SAMD8: variants seen among roughly 807,000 people sequenced by gnomAD.
The protein encoded by SAMD8 is sphingomyelin synthase-related protein 1.
A neutral mutation model predicts 42.0 loss-of-function variants in SAMD8; 20 were observed. That is an observed-to-expected ratio of 0.48 (90% CI 0.34 to 0.69). SAMD8 has a LOEUF of 0.69. Among genes scored for constraint, SAMD8 ranks in the 30% least tolerant of loss-of-function variants. The pLI is 0.01. For missense variants in SAMD8, 328 were observed against 511.6 expected, an observed-to-expected ratio of 0.64 and a Z score of 3.46; for synonymous variants, 162 against 173.0, an observed-to-expected ratio of 0.94 and a Z score of 0.50.
intron 1 of SAMD8, among the ~76,000 whole-genome samples, chr10:75,149,399 A>G (rs2134478789): frequency 6.6e-6 from 1 of 152,348 alleles, no homozygotes; most frequent in South Asian, 2.1e-4. Flanking sequence ...ATTTGTGAGT[A>G]CATGGAAATG....
At chr10:75,153,762 G>T in intron 2 of SAMD8, among the ~76,000 whole-genome samples, 1 of 143,298 alleles carries the variant, frequency 7.0e-6, no homozygotes, top group East Asian at 2.1e-4. Context: ...CTATAGTAAA[G>T]AGGTTTTTTT....
chr10:75,155,310 C>T (rs926315312), intron 2 of SAMD8, among the ~76,000 whole-genome samples: 4 of 151,950 alleles, frequency 2.6e-5, no homozygotes, highest in African/African-American at 4.8e-5. Flanking sequence ...TTCGACATGT[C>T]AGGTTTGAAA....
chr10:75,172,368 G>C (rs1361669698), intron 4 of SAMD8, among the ~76,000 whole-genome samples: 1 of 151,916 alleles, frequency 6.6e-6, no homozygotes, highest in African/African-American at 2.4e-5. Flanking sequence ...TTCTCGCTTT[G>C]TCACCCAGGC....
chr10:75,115,798 G>A (rs1848867019), intron 1 of SAMD8, among the ~76,000 whole-genome samples: 1 of 151,890 alleles, frequency 6.6e-6, no homozygotes. Flanking sequence ...AAAATTAGCC[G>A]GGCCTCGTGG....
In SAMD8 at chr10:75,176,571, G is replaced by A; in HGVS notation, c.1127G>A (p.Arg376Lys). ...LANTRAYQQS[R>K]RARIWFPMFS... ...AATACCAGAGCATATCAGCAGAGTAGGAGAGCAAGGATTTGGTTTCCCATG... is the reference window on the plus strand; with the variant it reads ...AATACCAGAGCATATCAGCAGAGTAAGAGAGCAAGGATTTGGTTTCCCATG... The change falls in exon 6 of 6, where the codon AGG becomes AAG. Residue 376 changes from arginine to lysine, a missense_variant. Arg to Lys is a conservative substitution (Grantham distance 26). This residue lies in a region of SAMD8 where 178 missense variants were observed against 325.6 expected (regional missense o/e 0.55). Transcript: ENST00000542569. The surrounding 1 kb of genome is among the most constrained non-coding windows in gnomAD (Gnocchi z 4.3). The A allele has an allele frequency of 6.4e-7, 1 of 1,550,574 alleles. No individual in the cohort carries two copies. The highest frequency in any genetic ancestry group is 2.4e-5 in the East Asian group (1 of 40,924).
intron 1 of SAMD8, among the ~76,000 whole-genome samples, chr10:75,106,520 A>G (rs906198666): frequency 3.9e-5 from 6 of 152,058 alleles, no homozygotes; most frequent in African/African-American, 1.2e-4. Flanking sequence ...TTGAATCACA[A>G]AGCAGCTCAT....
chr10:75,111,750 G>C (rs1848774485), intron 1 of SAMD8, 28 bp downstream of exon 1: 8 of 1,233,264 alleles, frequency 6.5e-6, no homozygotes, highest in Non-Finnish European at 8.1e-6. Flanking sequence ...CTGAGGAGAG[G>C]GGAGCTTGGG....
intron 4 of SAMD8, among the ~76,000 whole-genome samples, chr10:75,175,619 G>GCTCCCTGCAACCTCCGC (rs1452440838): frequency 6.6e-6 from 1 of 151,940 alleles, no homozygotes; most frequent in African/African-American, 2.4e-5. Context: ...CGCGATCTCG[G>GCTCCCTGCAACCTCCGC]CTCCCTGCAA....
At chr10:75,164,512 A>G (rs1461625359) in intron 2 of SAMD8, 133 bp from the exon 3 acceptor site, 30 of 1,406,190 alleles carry the variant, frequency 2.1e-5, no homozygotes, top group Middle Eastern at 1.9e-4. Flanking sequence ...GTTTCTCCAA[A>G]TATCATTTTC....
intron 1 of SAMD8, among the ~76,000 whole-genome samples, chr10:75,148,888 A>G (rs1840213239): frequency 6.6e-6 from 1 of 152,166 alleles, no homozygotes; most frequent in African/African-American, 2.4e-5. Flanking sequence ...TAACATATAT[A>G]GAGAAAAGTA....
At chr10:75,141,010 A>G (rs1208955566) in intron 1 of SAMD8, among the ~76,000 whole-genome samples, 1 of 152,164 alleles carries the variant, frequency 6.6e-6, no homozygotes, top group Non-Finnish European at 1.5e-5. Flanking sequence ...ATGGTATTTT[A>G]TACATTTTAA....
chr10:75,120,164 G>A (rs1848971988), intron 1 of SAMD8, among the ~76,000 whole-genome samples: 1 of 152,226 alleles, frequency 6.6e-6, no homozygotes, highest in South Asian at 2.1e-4. Context: ...TGTCTTTCTA[G>A]TTTTTAGTGC....
Position 75,164,648 on chromosome 10 carries a change from TC to T in SAMD8, c.584del (p.Pro195LeufsTer9), listed in dbSNP as rs1428296466. The T allele has an allele frequency of 9.3e-6, 15 of 1,613,832 alleles. No homozygotes were observed. Among genetic ancestry groups the T allele is most frequent in the African/African-American group, 1.3e-5 (1 of 74,924 alleles). ...PLPDIFLDSV[P>X]RIPWAFAMTE... ...AAATCATTTTTTTCTGTTCCAGCGT[TC>T]CTAGAATCCCATGGGCCTTTGCCAT... is the stretch of plus-strand genomic sequence containing the variant. On this transcript the variant is annotated frameshift_variant, in exon 3 of 6. Coordinates refer to ENST00000542569, the MANE Select transcript of SAMD8 (RefSeq NM_001174156.2). LOFTEE classifies it high-confidence loss of function.
Position 75,179,542 on chromosome 10 carries a change from T to A in SAMD8, c.*2850T>A, listed in dbSNP as rs892453260. ...CTTTTCAGCCTTGCACTTGCTCATA[T>A]ATGTTTTGAGAAAAATGTAAGTTAG... On this transcript the variant is annotated 3_prime_UTR_variant, in exon 6 of 6. Transcript: ENST00000542569. 6.6e-6 allele frequency: 1 copy of A among 152,254 alleles called. No individual in the cohort carries two copies. The allele number at this position is 152,254 out of a possible 1,614,324, so 9.4% of individuals were successfully genotyped here.
intron 4 of SAMD8, among the ~76,000 whole-genome samples, chr10:75,171,863 A>G (rs1035016696): frequency 2.0e-5 from 3 of 152,000 alleles, no homozygotes; most frequent in Admixed American, 2.0e-4. Context: ...CATCTCTACT[A>G]AAAATACAAA....
intron 1 of SAMD8, among the ~76,000 whole-genome samples, chr10:75,126,893 A>G (rs1047923480): frequency 2.6e-5 from 4 of 151,988 alleles, no homozygotes; most frequent in Admixed American, 2.0e-4. Flanking sequence ...TGTGATTCAA[A>G]AAGTCTTCAT....
chr10:75,145,994 G>A (rs1358066693), intron 1 of SAMD8, among the ~76,000 whole-genome samples: 3 of 152,150 alleles, frequency 2.0e-5, no homozygotes, highest in African/African-American at 4.8e-5. Flanking sequence ...TGTGCTGATA[G>A]GCATTCAGCT....
chr10:75,137,047 C>G (rs775669674), intron 1 of SAMD8, among the ~76,000 whole-genome samples: 1 of 152,160 alleles, frequency 6.6e-6, no homozygotes, highest in Non-Finnish European at 1.5e-5. Context: ...AGCAGAATTA[C>G]TGTACAAGCC....
chr10:75,115,095 G>T (rs1324023436), intron 1 of SAMD8, among the ~76,000 whole-genome samples: 1 of 152,190 alleles, frequency 6.6e-6, no homozygotes, highest in Non-Finnish European at 1.5e-5. Flanking sequence ...TGACAGGGGA[G>T]AGCCTTGATT....
Sources: gnomAD v4.1 joint callset for allele counts (sites outside exome capture counted in the v4.1 genomes callset) on GRCh38, gnomAD v4.1.1 for gene constraint, gnomAD v4.1.1 regional missense constraint, Gnocchi (gnomAD v3.1) non-coding constraint, MANE v1.5 for transcripts, NCBI Gene and HGNC (gene_info 2026-07-23, HGNC 2026-07-21) for gene names.